PTPRN2: variants seen among roughly 807,000 people sequenced by gnomAD.
The protein encoded by PTPRN2 is receptor-type tyrosine-protein phosphatase N2.
In PTPRN2, 74 loss-of-function variants were observed where a neutral mutation model predicts 118.8. The observed-to-expected ratio is 0.62, with a 90% CI of 0.52 to 0.76. PTPRN2 has a LOEUF of 0.76. Among genes scored for constraint, PTPRN2 ranks in the 30% least tolerant of loss-of-function variants. PTPRN2 has a pLI of 0.00. For missense variants in PTPRN2, 1,481 were observed against 1,394.4 expected (o/e 1.06, Z -0.99); for synonymous variants, 641 against 608.0 (o/e 1.05, Z -0.80).
intron 2 of PTPRN2, among the ~76,000 whole-genome samples, chr7:158,456,146 G>A (rs1733167): frequency 0.98 from 145,833 of 149,340 alleles, 71,223 homozygotes; most frequent in East Asian, 1. Flanking sequence ...AGAAGATAAC[G>A]GCATGGACGC....
At chr7:158,146,363 C>T (rs905051975) in intron 6 of PTPRN2, among the ~76,000 whole-genome samples, 4 of 152,156 alleles carry the variant, frequency 2.6e-5, no homozygotes, top group Non-Finnish European at 5.9e-5. Context: ...ACTAACCTAC[C>T]CATTGATTGC....
chr7:157,753,475 C>T (rs1801602021), intron 12 of PTPRN2, among the ~76,000 whole-genome samples: 2 of 152,204 alleles, frequency 1.3e-5, no homozygotes, highest in South Asian at 4.1e-4. Flanking sequence ...AGGCACCAGC[C>T]ACCACTGCTT....
At chr7:158,273,673 A>C (rs1243978844) in intron 3 of PTPRN2, among the ~76,000 whole-genome samples, 1 of 127,740 alleles carries the variant, frequency 7.8e-6, no homozygotes, top group Non-Finnish European at 1.6e-5. Flanking sequence ...ACACGGGAGG[A>C]GCCGCAGACA....
rs1396957216 is a variant in PTPRN2, at chr7:158,574,871, T to C, written c.112+12687A>G. 6.6e-6 allele frequency among the ~76,000 whole-genome samples: 1 copy of C among 152,170 alleles called. No homozygotes were observed. Among genetic ancestry groups the C allele is most frequent in the Non-Finnish European group, 1.5e-5 (1 of 68,038 alleles). ...TGCAGGATGTCGAACAACGTCCCTG[T>C]CCGCCATCCACCTAGTCCCAGCAGC... On this transcript the variant is annotated intron_variant, in intron 1 of 22. Coordinates refer to ENST00000389418, the MANE Select transcript of PTPRN2 (RefSeq NM_002847.5). This position sits in a 1 kb window ranked among gnomAD's most constrained non-coding sequence, Gnocchi z 4.6.
intron 2 of PTPRN2, among the ~76,000 whole-genome samples, chr7:158,341,963 C>G (rs75224180): frequency 4.6e-3 from 537 of 117,142 alleles, no homozygotes; most frequent in Middle Eastern, 0.02. Context: ...CGCCCGCAGA[C>G]GTCACTCACA....
At position 157,974,226 on chromosome 7, in the gene PTPRN2, C is replaced by A. The variant is rs1013490641; in HGVS notation, c.1724-75489G>T. Among the ~76,000 whole-genome samples, 3 of 152,218 alleles carry A rather than the reference C, an allele frequency of 2.0e-5. No individual in the cohort carries two copies. The highest frequency in any genetic ancestry group is 4.4e-5 in the Non-Finnish European group (3 of 68,036). ...CTGGTTGATGTGCAGAGTGACCCTG[C>A]AGTCAAGTCTGTTTGCCTCCCACTA... On this transcript the variant is annotated intron_variant, in intron 11 of 22. Transcript: ENST00000389418. This position sits in a 1 kb window ranked among gnomAD's most constrained non-coding sequence, Gnocchi z 4.0.
intron 2 of PTPRN2, among the ~76,000 whole-genome samples, chr7:158,378,091 C>A (rs1362859345): frequency 6.6e-6 from 1 of 152,196 alleles, no homozygotes; most frequent in Non-Finnish European, 1.5e-5. Context: ...CTATACACCT[C>A]CTCCTGACTC....
At chr7:157,811,767 C>T (rs371168055) in intron 12 of PTPRN2, among the ~76,000 whole-genome samples, 20 of 152,246 alleles carry the variant, frequency 1.3e-4, no homozygotes, top group African/African-American at 3.4e-4. Context: ...CCTCATCTGA[C>T]GAGGTCCAAA....
chr7:158,389,567 T>C (rs1316207725), intron 2 of PTPRN2, among the ~76,000 whole-genome samples: 3 of 152,154 alleles, frequency 2.0e-5, no homozygotes. Context: ...CCTTATTAAA[T>C]AAATTAAAAA....
intron 3 of PTPRN2, among the ~76,000 whole-genome samples, chr7:158,315,561 A>ACAGAGGTGAACCCGGGACCCCTGAAGG (rs1802250549): frequency 1.3e-5 from 2 of 149,130 alleles, no homozygotes; most frequent in Admixed American, 1.3e-4. Context: ...ACCCCTGAAG[A>ACAGAGGTGAACCCGGGACCCCTGAAGG]ACAGAGGTGA....
chr7:158,468,898 C>CA (rs1200194557), intron 2 of PTPRN2, among the ~76,000 whole-genome samples: 1 of 150,254 alleles, frequency 6.7e-6, no homozygotes, highest in African/African-American at 2.5e-5. Flanking sequence ...CCTGGTCAAT[C>CA]AACAGTGTGC....
chr7:158,085,596 C>A (rs1404227607), intron 10 of PTPRN2, among the ~76,000 whole-genome samples: 1 of 120,658 alleles, frequency 8.3e-6, no homozygotes, highest in Non-Finnish European at 1.7e-5. Context: ...ATCCAGATAC[C>A]CATCCACACC....
intron 3 of PTPRN2, among the ~76,000 whole-genome samples, chr7:158,291,288 G>A (rs182152564): frequency 6.6e-6 from 1 of 152,262 alleles, no homozygotes; most frequent in Admixed American, 6.5e-5. Context: ...CACACTTGAG[G>A]GTTCTAGGGA....
chr7:157,635,872 T>C (rs6962265), intron 14 of PTPRN2, among the ~76,000 whole-genome samples: 3,047 of 152,338 alleles, frequency 0.02, 99 homozygotes, highest in African/African-American at 0.068. Context: ...TTGGAACTAT[T>C]GCATAATCCA....
intron 13 of PTPRN2, among the ~76,000 whole-genome samples, chr7:157,658,112 G>A (rs1344595148): frequency 6.6e-6 from 1 of 152,144 alleles, no homozygotes; most frequent in Non-Finnish European, 1.5e-5. Flanking sequence ...CATCAACGTG[G>A]AATATTCTGG....
intron 2 of PTPRN2, among the ~76,000 whole-genome samples, chr7:158,325,698 G>C (rs958425529): frequency 6.6e-6 from 1 of 152,182 alleles, no homozygotes; most frequent in East Asian, 1.9e-4. Context: ...ATTCCGACAA[G>C]AAGGGCAGGC....
rs145835674 is a variant in PTPRN2, at chr7:158,162,366, T to C, written c.910+4565A>G. Among the ~76,000 whole-genome samples, 526 of 152,312 alleles carry C rather than the reference T, an allele frequency of 3.5e-3. 3 individuals are homozygous for C. Among genetic ancestry groups the C allele is most frequent in the African/African-American group, 0.012 (494 of 41,572 alleles). On this transcript the variant is annotated intron_variant, in intron 6 of 22. Coordinates refer to ENST00000389418, the MANE Select transcript of PTPRN2 (RefSeq NM_002847.5). The stretch of plus-strand genomic sequence containing the variant: ...GATGTTCCTCAGTAGGCGAATAAAC[T>C]GTGGCCCATCTATACAATGGAGTGT...
intron 1 of PTPRN2, among the ~76,000 whole-genome samples, chr7:158,554,166 T>G (rs1431552735): frequency 6.6e-6 from 1 of 152,216 alleles, no homozygotes; most frequent in Admixed American, 6.5e-5. Context: ...CTCAGGAGGC[T>G]GAGGCATGAG....
At chr7:157,572,745 AT>A (rs1799820626) in intron 19 of PTPRN2, among the ~76,000 whole-genome samples, 1 of 152,234 alleles carries the variant, frequency 6.6e-6, no homozygotes, top group Admixed American at 6.5e-5. Flanking sequence ...CCACCTGCAG[AT>A]GGGCCGCGGC....
Sources: gnomAD v4.1 joint callset for allele counts (sites outside exome capture counted in the v4.1 genomes callset) on GRCh38, gnomAD v4.1.1 for gene constraint, Gnocchi (gnomAD v3.1) non-coding constraint, MANE v1.5 for transcripts, NCBI Gene and HGNC (gene_info 2026-07-23, HGNC 2026-07-21) for gene names.